The following KCNH1 variants were observed in gnomAD, a reference collection of about 807,000 sequenced individuals.
KCNH1 encodes voltage-gated delayed rectifier potassium channel KCNH1.
In KCNH1, 27 loss-of-function variants were observed where a neutral mutation model predicts 69.2. The ratio of observed to expected loss-of-function variants is 0.39; its 90% confidence interval spans 0.29 to 0.54. KCNH1 has a LOEUF of 0.54. Ranked by LOEUF, KCNH1 falls within the 20% of genes least tolerant of loss-of-function variation. KCNH1 has a pLI of 0.68. For missense variants in KCNH1, 798 were observed against 1,261.6 expected (o/e 0.63, Z 5.57); for synonymous variants, 456 against 487.7 (o/e 0.93, Z 0.86).
intron 10 of KCNH1, among the ~76,000 whole-genome samples, chr1:210,701,476 A>G (rs1303674842): frequency 1.3e-5 from 2 of 152,240 alleles, no homozygotes; most frequent in Non-Finnish European, 2.9e-5. Flanking sequence ...TCTCTGAAGC[A>G]GAGCTTTCTT....
chr1:211,057,621 A>G (rs539035970), intron 5 of KCNH1, among the ~76,000 whole-genome samples: 1 of 152,228 alleles, frequency 6.6e-6, no homozygotes, highest in Admixed American at 6.5e-5. Flanking sequence ...CCTGGGTGGC[A>G]GAGAAAGACC....
At chr1:210,874,377 C>A (rs182968953) in intron 7 of KCNH1, among the ~76,000 whole-genome samples, 194 of 152,328 alleles carry the variant, frequency 1.3e-3, no homozygotes, top group Non-Finnish European at 2.4e-3. Flanking sequence ...GAGCTGAAAG[C>A]ATCCTGATAC....
At chr1:210,985,128 T>C (rs747650041) in intron 6 of KCNH1, among the ~76,000 whole-genome samples, 6 of 152,208 alleles carry the variant, frequency 3.9e-5, no homozygotes, top group Non-Finnish European at 8.8e-5. Flanking sequence ...TCGGTGGTGA[T>C]ATCCCTTTAT....
chr1:210,971,522 A>AT (rs1344252943), intron 6 of KCNH1, among the ~76,000 whole-genome samples: 1 of 152,114 alleles, frequency 6.6e-6, no homozygotes, highest in Non-Finnish European at 1.5e-5. Flanking sequence ...ATTACCTCCT[A>AT]TTTTACTGCA....
intron 1 of KCNH1, among the ~76,000 whole-genome samples, chr1:211,108,290 T>C (rs1252719775): frequency 6.6e-6 from 1 of 152,142 alleles, no homozygotes; most frequent in Non-Finnish European, 1.5e-5. Flanking sequence ...AGTTTGGCCC[T>C]TCCTTTCCAC....
chr1:210,931,187 T>A (rs931195752), intron 6 of KCNH1, among the ~76,000 whole-genome samples: 11 of 152,206 alleles, frequency 7.2e-5, no homozygotes, highest in African/African-American at 2.4e-4. Context: ...GGAAAAGAAG[T>A]CATTATACGA....
intron 6 of KCNH1, among the ~76,000 whole-genome samples, chr1:210,922,460 G>T (rs1410645582): frequency 7.2e-6 from 1 of 139,342 alleles, no homozygotes; most frequent in Non-Finnish European, 1.6e-5. Context: ...CAACAGAAAT[G>T]ATAATTTCTT....
chr1:211,050,260 T>TAAAAAAAAAAAA lies in KCNH1; in HGVS notation c.559-31016_559-31005dup, dbSNP rs747498526. Among the ~76,000 whole-genome samples the TAAAAAAAAAAAA allele has an allele frequency of 2.5e-3, 147 of 58,546 alleles. 28 individuals are homozygous for TAAAAAAAAAAAA. The highest frequency in any genetic ancestry group is 7.7e-3 in the South Asian group (10 of 1,300). 38.4% of individuals were successfully genotyped at this position (58,546 alleles called of 152,430 possible). ...AGGACAAACTCAGCCCACACATTCT[T>TAAAAAAAAAAAA]AAAAAAAAAAAAAAAAAAAAAAAAA... On this transcript the variant is annotated intron_variant, in intron 5 of 10. Coordinates refer to ENST00000271751, the MANE Select transcript of KCNH1 (RefSeq NM_172362.3).
chr1:211,047,136 T>C (rs1690106552), intron 5 of KCNH1, among the ~76,000 whole-genome samples: 1 of 152,210 alleles, frequency 6.6e-6, no homozygotes, highest in Non-Finnish European at 1.5e-5. Context: ...TCACACCTAG[T>C]ATACCTCTCA....
At chr1:210,754,276 C>T (rs10494929) in intron 10 of KCNH1, among the ~76,000 whole-genome samples, 26,909 of 152,052 alleles carry the variant, frequency 0.18, 3,150 homozygotes, top group Non-Finnish European at 0.26. Flanking sequence ...GCCAAGTAGA[C>T]CTGACCTGAA....
intron 7 of KCNH1, among the ~76,000 whole-genome samples, chr1:210,840,377 G>T (rs1049928607): frequency 6.6e-6 from 1 of 152,140 alleles, no homozygotes; most frequent in African/African-American, 2.4e-5. Flanking sequence ...GCCAAGAAAA[G>T]AAAATATATC....
At position 211,093,484 on chromosome 1, in the gene KCNH1, C is replaced by T. The variant is rs1691092204; in HGVS notation, c.311-2794G>A. On this transcript the variant is annotated intron_variant, in intron 3 of 10. Transcript: ENST00000271751. ...TATTTTTGGTAGAGATGGTGTTTCACTATGTTGGCCAGGCTGGTCTCAAAC... is the reference window on the plus strand; with the variant it reads ...TATTTTTGGTAGAGATGGTGTTTCATTATGTTGGCCAGGCTGGTCTCAAAC... 2.6e-5 allele frequency among the ~76,000 whole-genome samples: 4 copies of T among 152,240 alleles called. No homozygotes were observed. The South Asian group carries it at 8.3e-4, about 32-fold the overall frequency.
intron 7 of KCNH1, among the ~76,000 whole-genome samples, chr1:210,831,746 C>T (rs1347055193): frequency 1.3e-5 from 2 of 152,188 alleles, no homozygotes; most frequent in South Asian, 4.1e-4. Context: ...CATTTCCCCT[C>T]TAGGTCTTCT....
chr1:210,958,754 C>G (rs762010834), intron 6 of KCNH1, among the ~76,000 whole-genome samples: 1 of 152,208 alleles, frequency 6.6e-6, no homozygotes, highest in Non-Finnish European at 1.5e-5. Context: ...CGGTTTTCAA[C>G]TCCATCAGGT....
intron 10 of KCNH1, among the ~76,000 whole-genome samples, chr1:210,698,964 C>G (rs142355280): frequency 2.0e-5 from 3 of 152,324 alleles, no homozygotes; most frequent in African/African-American, 7.2e-5. Flanking sequence ...GAAAATGAGA[C>G]TCTCTTTCCT....
rs559816345 is a variant in KCNH1, at chr1:211,024,444, G to A, written c.559-5188C>T. 2.6e-5 allele frequency among the ~76,000 whole-genome samples: 4 copies of A among 152,306 alleles called. No homozygotes were observed. The East Asian group carries it at 7.7e-4, about 29-fold the overall frequency. ...GAAAAGAAAGAAGTCCAATGTGGCT[G>A]AAGCACAGTGAGTGGGAGGAGGCGA... On this transcript the variant is annotated intron_variant, in intron 5 of 10. Coordinates refer to ENST00000271751, the MANE Select transcript of KCNH1 (RefSeq NM_172362.3).
At chr1:210,998,887 A>G (rs762889904) in intron 6 of KCNH1, among the ~76,000 whole-genome samples, 1 of 152,214 alleles carries the variant, frequency 6.6e-6, no homozygotes, top group Non-Finnish European at 1.5e-5. Flanking sequence ...CTACATGGAA[A>G]CTGAACAACC....
chr1:210,822,816 C>G (rs894204014), intron 7 of KCNH1, among the ~76,000 whole-genome samples: 5 of 152,168 alleles, frequency 3.3e-5, no homozygotes, highest in Non-Finnish European at 7.3e-5. Context: ...CAAGGTTCTC[C>G]TCTGGGCTCC....
Position 210,683,692 on chromosome 1 carries a change from C to G in KCNH1, c.2559G>C (p.Val853=). 1 of 1,614,230 alleles carries G rather than the reference C, an allele frequency of 6.2e-7. No homozygotes were observed. The highest frequency in any genetic ancestry group is 1.3e-5 in the African/African-American group (1 of 75,068). The part of the protein sequence containing the change: ...ACGKSEDWNK[V]SKAESMETLP... ...GTGTCTCCATCGACTCAGCCTTGGA[C>G]ACCTTGTTCCAGTCCTCACTCTTCC... The change falls in exon 11 of 11, where the codon GTG becomes GTC. Residue 853 remains valine (V), a synonymous_variant. Transcript: ENST00000271751. The surrounding 1 kb of genome is among the most constrained non-coding windows in gnomAD (Gnocchi z 5.7).
Sources: gnomAD v4.1 joint callset for allele counts (sites outside exome capture counted in the v4.1 genomes callset) on GRCh38, gnomAD v4.1.1 for gene constraint, Gnocchi (gnomAD v3.1) non-coding constraint, MANE v1.5 for transcripts, NCBI Gene and HGNC (gene_info 2026-07-23, HGNC 2026-07-21) for gene names.